CHSY1: variants seen among roughly 807,000 people sequenced by gnomAD.
CHSY1 encodes the protein N-acetylgalactosaminyl-proteoglycan 3-beta-glucuronosyltransferase 1.
A neutral mutation model predicts 59.8 loss-of-function variants in CHSY1; 13 were observed. The observed-to-expected ratio is 0.22, with a 90% CI of 0.14 to 0.35. The LOEUF (loss-of-function observed/expected upper bound fraction) is 0.35. Among genes scored for constraint, CHSY1 ranks in the 10% least tolerant of loss-of-function variants. The pLI is 1.00. For missense variants in CHSY1, 947 were observed against 1,030.6 expected (o/e 0.92, Z 1.11); for synonymous variants, 459 against 401.2 (o/e 1.14, Z -1.72).
chr15:101,202,971 T>C (rs965379967), intron 2 of CHSY1, among the ~76,000 whole-genome samples: 1 of 152,182 alleles, frequency 6.6e-6, no homozygotes, highest in African/African-American at 2.4e-5. Context: ...TCTGCACTGC[T>C]ATAGAGAGGT....
chr15:101,247,326 C>A (rs2039061753), intron 1 of CHSY1, among the ~76,000 whole-genome samples: 1 of 152,162 alleles, frequency 6.6e-6, no homozygotes, highest in Non-Finnish European at 1.5e-5. Context: ...TCTTCATGAT[C>A]AAATCTCAGC....
At chr15:101,242,285 G>A (rs371199286) in intron 1 of CHSY1, among the ~76,000 whole-genome samples, 1 of 152,238 alleles carries the variant, frequency 6.6e-6, no homozygotes, top group South Asian at 2.1e-4. Context: ...GGTGGAGGCT[G>A]CCCTGCCCAG....
intron 2 of CHSY1, among the ~76,000 whole-genome samples, chr15:101,182,929 C>A (rs1045221153): frequency 1.3e-5 from 2 of 152,050 alleles, no homozygotes; most frequent in African/African-American, 4.8e-5. Flanking sequence ...AAAGCAAAAC[C>A]CTTGGTGGAA....
intron 2 of CHSY1, among the ~76,000 whole-genome samples, chr15:101,189,124 C>T (rs752136636): frequency 2.0e-5 from 3 of 152,212 alleles, no homozygotes; most frequent in Non-Finnish European, 2.9e-5. Context: ...AAGAAACAAG[C>T]GCGAACACAA....
intron 1 of CHSY1, among the ~76,000 whole-genome samples, chr15:101,248,533 C>T (rs1293520856): frequency 2.0e-5 from 3 of 152,112 alleles, no homozygotes; most frequent in African/African-American, 7.2e-5. Flanking sequence ...TCCTGGTAGG[C>T]GTTTTCCTTT....
At position 101,251,976 on chromosome 15, in the gene CHSY1, G is replaced by A. The variant is rs1330810653; in HGVS notation, c.-520C>T. The A allele has an allele frequency of 6.6e-6, 1 of 151,118 alleles. No individual in the cohort carries two copies. The highest frequency in any genetic ancestry group is 1.9e-4 in the East Asian group (1 of 5,162). The allele number at this position is 151,118 out of a possible 1,614,324, so 9.4% of individuals were successfully genotyped here. On this transcript the variant is annotated 5_prime_UTR_variant, in exon 1 of 3. Transcript: ENST00000254190. ...CACGTCACGCACGGCGCGTTATGAAGTGGCCCCGCCGGCGGCGAGCCGTGG... is the reference window on the plus strand; with the variant it reads ...CACGTCACGCACGGCGCGTTATGAAATGGCCCCGCCGGCGGCGAGCCGTGG...
intron 2 of CHSY1, among the ~76,000 whole-genome samples, chr15:101,181,200 T>G (rs2038274324): frequency 6.6e-6 from 1 of 152,114 alleles, no homozygotes; most frequent in African/African-American, 2.4e-5. Context: ...CCTGAGGATC[T>G]CATGGTAAGG....
intron 1 of CHSY1, among the ~76,000 whole-genome samples, chr15:101,238,751 A>G (rs1286731690): frequency 6.6e-6 from 1 of 152,250 alleles, no homozygotes; most frequent in Non-Finnish European, 1.5e-5. Context: ...AATAACAACA[A>G]AAAACAAATT....
At chr15:101,238,488 T>C (rs931565640) in intron 1 of CHSY1, among the ~76,000 whole-genome samples, 1 of 152,214 alleles carries the variant, frequency 6.6e-6, no homozygotes, top group Non-Finnish European at 1.5e-5. Flanking sequence ...GGATTAAATA[T>C]ATACATTTTT....
At chr15:101,184,783 A>T (rs1408269491) in intron 2 of CHSY1, among the ~76,000 whole-genome samples, 1 of 152,186 alleles carries the variant, frequency 6.6e-6, no homozygotes, top group Non-Finnish European at 1.5e-5. Flanking sequence ...CTACGCCCAG[A>T]CTGGCTGGTG....
At chr15:101,245,706 T>G (rs930836068) in intron 1 of CHSY1, among the ~76,000 whole-genome samples, 1 of 152,190 alleles carries the variant, frequency 6.6e-6, no homozygotes, top group Non-Finnish European at 1.5e-5. Context: ...TGGAAATCCC[T>G]GGAATATTGT....
chr15:101,192,248 T>C (rs1167220122), intron 2 of CHSY1, among the ~76,000 whole-genome samples: 1 of 152,220 alleles, frequency 6.6e-6, no homozygotes, highest in Non-Finnish European at 1.5e-5. Context: ...GTAGATACTG[T>C]ATCTCGTTTA....
chr15:101,181,905 T>C (rs192753216), intron 2 of CHSY1, among the ~76,000 whole-genome samples: 27 of 152,314 alleles, frequency 1.8e-4, no homozygotes, highest in Admixed American at 1.4e-3. Context: ...TAACAATCAA[T>C]AACACATCTT....
chr15:101,194,861 T>C (rs1213506646), intron 2 of CHSY1, among the ~76,000 whole-genome samples: 2 of 152,208 alleles, frequency 1.3e-5, no homozygotes, highest in African/African-American at 4.8e-5. Flanking sequence ...AAAGTCAAAA[T>C]TCTACTTTCA....
At chr15:101,248,583 G>A (rs1425744780) in intron 1 of CHSY1, among the ~76,000 whole-genome samples, 2 of 152,186 alleles carry the variant, frequency 1.3e-5, no homozygotes, top group East Asian at 1.9e-4. Context: ...GGAGAACCCC[G>A]CCTGGGGGCA....
intron 2 of CHSY1, among the ~76,000 whole-genome samples, chr15:101,205,914 T>C (rs570915109): frequency 2.8e-4 from 43 of 151,204 alleles, no homozygotes; most frequent in East Asian, 2.5e-3. Flanking sequence ...ATAGCGCCAC[T>C]ACACTCCAGC....
intron 2 of CHSY1, among the ~76,000 whole-genome samples, chr15:101,196,821 C>T (rs1022801082): frequency 1.3e-5 from 2 of 152,010 alleles, no homozygotes; most frequent in Non-Finnish European, 2.9e-5. Context: ...CTCAGGAGCT[C>T]GAGGACAGCC....
intron 2 of CHSY1, among the ~76,000 whole-genome samples, chr15:101,201,011 A>T (rs1230868206): frequency 6.6e-6 from 1 of 151,524 alleles, no homozygotes; most frequent in Non-Finnish European, 1.5e-5. Context: ...TGCCTGAGCC[A>T]GGGTCTGTGG....
Position 101,202,576 on chromosome 15 carries a change from G to A in CHSY1, c.817-23596C>T, listed in dbSNP as rs946871108. On this transcript the variant is annotated intron_variant, in intron 2 of 2. Coordinates refer to ENST00000254190, the MANE Select transcript of CHSY1 (RefSeq NM_014918.5). Reference sequence around the variant, plus strand: ...GATCTCAGACACAGCAGAGGCTGCAGGGGAGGATGGAGGGCATTTCTGCAG... The same window carrying A: ...GATCTCAGACACAGCAGAGGCTGCAAGGGAGGATGGAGGGCATTTCTGCAG... Among the ~76,000 whole-genome samples the A allele has an allele frequency of 2.8e-5, 4 of 143,678 alleles. No individual in the cohort carries two copies. The South Asian group carries it at 9.6e-4, about 34-fold the overall frequency. 94.3% of individuals were successfully genotyped at this position (143,678 alleles called of 152,430 possible). A position where few individuals can be genotyped will look rare whatever the true frequency, so the allele number is the denominator to read the frequency against.
Sources: gnomAD v4.1 joint callset for allele counts (sites outside exome capture counted in the v4.1 genomes callset) on GRCh38, gnomAD v4.1.1 for gene constraint, MANE v1.5 for transcripts, NCBI Gene and HGNC (gene_info 2026-07-23, HGNC 2026-07-21) for gene names.